Variants in PTBP2 observed in about 807,000 individuals in gnomAD.
PTBP2 encodes the protein polypyrimidine tract-binding protein 2.
PTBP2 carries 13 observed loss-of-function variants against 61.4 expected under a neutral mutation model. The observed-to-expected ratio is 0.21, with a 90% CI of 0.14 to 0.34. PTBP2 has a LOEUF of 0.34. Ranked by LOEUF, PTBP2 falls within the 10% of genes least tolerant of loss-of-function variation. The probability of loss-of-function intolerance (pLI) is 1.00; values close to 1 mark genes in which losing one functional copy is unlikely to be tolerated. For missense variants in PTBP2, 405 were observed against 642.6 expected (o/e 0.63, Z 4.00); for synonymous variants, 215 against 218.5 (o/e 0.98, Z 0.14).
At chr1:96,767,237 C>A (rs1656835359) in intron 3 of PTBP2, among the ~76,000 whole-genome samples, 1 of 152,108 alleles carries the variant, frequency 6.6e-6, no homozygotes, top group African/African-American at 2.4e-5. Context: ...CAACACAAAT[C>A]CAAAATAAAT....
intron 8 of PTBP2, among the ~76,000 whole-genome samples, chr1:96,789,954 C>A (rs2101094957): frequency 6.6e-6 from 1 of 152,256 alleles, no homozygotes; most frequent in African/African-American, 2.4e-5. Flanking sequence ...ACCCAGCTTA[C>A]ATTAAAATTT....
At chr1:96,783,983 GTCC>G in intron 7 of PTBP2, among the ~76,000 whole-genome samples, 1 of 152,136 alleles carries the variant, frequency 6.6e-6, no homozygotes, top group East Asian at 1.9e-4. Context: ...AGGTAGATTA[GTCC>G]ATAAAAAAAT....
chr1:96,748,894 A>G (rs1014398233), intron 2 of PTBP2, among the ~76,000 whole-genome samples: 1 of 152,214 alleles, frequency 6.6e-6, no homozygotes, highest in African/African-American at 2.4e-5. Context: ...TGGGCATAAT[A>G]GTGGTAAGCT....
intron 3 of PTBP2, among the ~76,000 whole-genome samples, chr1:96,762,515 C>A (rs1296409454): frequency 6.8e-6 from 1 of 146,644 alleles, no homozygotes; most frequent in African/African-American, 2.5e-5. Flanking sequence ...CACCTCCCTC[C>A]CGGACGGGGC....
At chr1:96,726,460 C>A (rs1022394664) in intron 2 of PTBP2, among the ~76,000 whole-genome samples, 1 of 143,182 alleles carries the variant, frequency 7.0e-6, no homozygotes, top group Non-Finnish European at 1.5e-5. Flanking sequence ...TTTTTCGAGA[C>A]GGAGTCTCGC....
At chr1:96,794,964 G>T (rs1357950741) in intron 8 of PTBP2, among the ~76,000 whole-genome samples, 2 of 152,174 alleles carry the variant, frequency 1.3e-5, no homozygotes, top group East Asian at 3.8e-4. Flanking sequence ...TACCCAGGGA[G>T]TATGAATTTA....
intron 8 of PTBP2, among the ~76,000 whole-genome samples, chr1:96,803,177 A>C (rs952622198): frequency 6.6e-6 from 1 of 152,180 alleles, no homozygotes; most frequent in African/African-American, 2.4e-5. Flanking sequence ...CACACTGAAG[A>C]CTATTGTGCA....
At chr1:96,806,321 G>C in intron 9 of PTBP2, 98 bp from the exon 10 acceptor site, 1 of 1,015,334 alleles carries the variant, frequency 9.8e-7, no homozygotes, top group Non-Finnish European at 1.6e-6. Context: ...CCATTCTGCG[G>C]GAACCACCCT....
At chr1:96,754,943 C>T (rs1206840221) in intron 3 of PTBP2, among the ~76,000 whole-genome samples, 1 of 152,002 alleles carries the variant, frequency 6.6e-6, no homozygotes, top group Non-Finnish European at 1.5e-5. Flanking sequence ...TTGGATTAAG[C>T]AGGAATGTAT....
At chr1:96,742,945 T>G (rs772471146) in intron 2 of PTBP2, among the ~76,000 whole-genome samples, 103 of 152,380 alleles carry the variant, frequency 6.8e-4, no homozygotes, top group Non-Finnish European at 1.3e-3. Context: ...TTATTTTTCT[T>G]GCCTTTTCTT....
chr1:96,777,469 T>G, intron 5 of PTBP2, 116 bp from the exon 6 acceptor site: 11 of 827,944 alleles, frequency 1.3e-5, no homozygotes, highest in Middle Eastern at 2.9e-4. Flanking sequence ...GAGGGGCCAT[T>G]TAATTTTGTT....
At chr1:96,727,635 C>G (rs1455806391) in intron 2 of PTBP2, among the ~76,000 whole-genome samples, 2 of 152,064 alleles carry the variant, frequency 1.3e-5, no homozygotes, top group South Asian at 4.1e-4. Context: ...TTGCATTCCT[C>G]TAATATCTAT....
chr1:96,737,267 A>G (rs915996206), intron 2 of PTBP2, among the ~76,000 whole-genome samples: 2 of 152,106 alleles, frequency 1.3e-5, no homozygotes, highest in Non-Finnish European at 2.9e-5. Flanking sequence ...CGACCGGCCC[A>G]CTTTTTCTTT....
At position 96,791,018 on chromosome 1, in the gene PTBP2, A is replaced by G. The variant is rs901012512; in HGVS notation, c.904+5764A>G. 8.4e-3 allele frequency among the ~76,000 whole-genome samples: 47 copies of G among 5,606 alleles called. 1 individual carries two copies. The African/African-American group carries it at 0.086, about 10-fold the overall frequency. The allele number at this position is 5,606 out of a possible 152,430, so 3.7% of individuals were successfully genotyped here. A position where few individuals can be genotyped will look rare whatever the true frequency, so the allele number is the denominator to read the frequency against. Reference sequence around the variant, plus strand: ...ACTTTTCTCGTATACATAATTGTGAAAAAAAAAAACCATCCAGGTATGCAT... The same window carrying G: ...ACTTTTCTCGTATACATAATTGTGAGAAAAAAAAACCATCCAGGTATGCAT... On this transcript the variant is annotated intron_variant, in intron 8 of 13. Coordinates refer to ENST00000674951, the MANE Select transcript of PTBP2 (RefSeq NM_021190.4).
intron 7 of PTBP2, among the ~76,000 whole-genome samples, chr1:96,784,016 G>T (rs1456092270): frequency 2.0e-5 from 3 of 152,016 alleles, no homozygotes; most frequent in Non-Finnish European, 4.4e-5. Flanking sequence ...AAGAGAAAAG[G>T]TTTTATATTC....
At chr1:96,737,517 C>T (rs1326620813) in intron 2 of PTBP2, among the ~76,000 whole-genome samples, 3 of 151,916 alleles carry the variant, frequency 2.0e-5, no homozygotes, top group African/African-American at 7.3e-5. Flanking sequence ...ATGTTAATAG[C>T]GTGGAAAGGT....
chr1:96,734,661 T>C (rs1421122780), intron 2 of PTBP2, among the ~76,000 whole-genome samples: 1 of 152,012 alleles, frequency 6.6e-6, no homozygotes, highest in African/African-American at 2.4e-5. Flanking sequence ...CATTTACTGA[T>C]TGCGTTATGA....
chr1:96,747,167 T>G (rs1470455222), intron 2 of PTBP2, among the ~76,000 whole-genome samples: 1 of 151,856 alleles, frequency 6.6e-6, no homozygotes, highest in Non-Finnish European at 1.5e-5. Context: ...GGCCACAAAT[T>G]CCCTTTGCAT....
In PTBP2 at chr1:96,770,597, A is replaced by G. The variant is rs184348631; in HGVS notation, c.289-111A>G. On this transcript the variant is annotated intron_variant, in intron 4 of 13. Coordinates refer to ENST00000674951, the MANE Select transcript of PTBP2 (RefSeq NM_021190.4). Reference sequence around the variant, plus strand: ...CTGCTTATCAGAACATTTAAAAGTAACCTGAAGGATTATATTCTAGATAAT... The same window carrying G: ...CTGCTTATCAGAACATTTAAAAGTAGCCTGAAGGATTATATTCTAGATAAT... 2.3e-4 allele frequency: 223 copies of G among 976,830 alleles called. No homozygotes were observed. The African/African-American group carries it at 3.3e-3, about 15-fold the overall frequency. The allele number at this position is 976,830 out of a possible 1,614,324, so 60.5% of individuals were successfully genotyped here. A position where few individuals can be genotyped will look rare whatever the true frequency, so the allele number is the denominator to read the frequency against.
Sources: allele counts gnomAD v4.1 joint callset (sites outside exome capture counted in the v4.1 genomes callset), GRCh38; gene constraint gnomAD v4.1.1; transcripts MANE v1.5; gene names NCBI Gene and HGNC (gene_info 2026-07-23, HGNC 2026-07-21).